The following ENTREP1 variants were observed in gnomAD, a reference collection of about 807,000 sequenced individuals.
The protein encoded by ENTREP1 is Friedreich ataxia region gene X123.
the ENTREP1 span, among the ~76,000 whole-genome samples, chr9:69,353,701 T>C: frequency 6.6e-6 from 1 of 152,206 alleles, no homozygotes; most frequent in African/African-American, 2.4e-5. Flanking sequence ...CACATTTCTG[T>C]ATGTATAATG....
chr9:69,391,255 T>A, the ENTREP1 span, among the ~76,000 whole-genome samples: 378 of 152,236 alleles, frequency 2.5e-3, 1 homozygote, highest in Admixed American at 5.2e-3. Context: ...ACAATACCCG[T>A]CCCTCCCTGA....
the ENTREP1 span, chr9:69,387,167 G>A: frequency 2.0e-3 from 307 of 152,294 alleles, no homozygotes; most frequent in African/African-American, 6.9e-3. Context: ...TGTCTTTGGC[G>A]AGTGCTTCTG....
the ENTREP1 span, among the ~76,000 whole-genome samples, chr9:69,331,004 G>A: frequency 0.021 from 3,195 of 150,932 alleles, 43 homozygotes; most frequent in South Asian, 0.051. Flanking sequence ...TTACCATCAT[G>A]TTTTCATTAG....
chr9:69,349,624 C>G, the ENTREP1 span, among the ~76,000 whole-genome samples: 2 of 152,184 alleles, frequency 1.3e-5, no homozygotes, highest in South Asian at 4.1e-4. Flanking sequence ...TATTATGAGT[C>G]CCTTATCAGA....
chr9:69,351,776 C>A, the ENTREP1 span, among the ~76,000 whole-genome samples: 1 of 152,188 alleles, frequency 6.6e-6, no homozygotes, highest in Admixed American at 6.5e-5. Flanking sequence ...ATCTACAAAT[C>A]AGATGTTGAA....
At chr9:69,367,872 A>C in the ENTREP1 span, among the ~76,000 whole-genome samples, 13,922 of 77,324 alleles carry the variant, frequency 0.18, 3,496 homozygotes, top group South Asian at 0.25. Flanking sequence ...CATATATATA[A>C]ATATATATAT....
At chr9:69,371,951 AAC>A in the ENTREP1 span, among the ~76,000 whole-genome samples, 3 of 152,232 alleles carry the variant, frequency 2.0e-5, no homozygotes, top group African/African-American at 7.2e-5. Flanking sequence ...AATACAGGTC[AAC>A]AGTCTTTTAT....
chr9:69,354,374 A>G, the ENTREP1 span, among the ~76,000 whole-genome samples: 2 of 146,964 alleles, frequency 1.4e-5, no homozygotes, highest in African/African-American at 5.1e-5. Context: ...CTCCTGCCCC[A>G]GTCTGCCTGA....
chr9:69,387,830 T>A, the ENTREP1 span: 1 of 1,183,684 alleles, frequency 8.4e-7, no homozygotes, highest in African/African-American at 1.6e-5. Context: ...GGCCCATCCA[T>A]CCCCATCTAT....
chr9:69,383,455 C>G, the ENTREP1 span: 1 of 1,477,904 alleles, frequency 6.8e-7, no homozygotes, highest in South Asian at 1.4e-5. Flanking sequence ...GGAACTCTGG[C>G]CACTTCGTCG....
chr9:69,367,016 A>C, the ENTREP1 span, among the ~76,000 whole-genome samples: 446 of 152,124 alleles, frequency 2.9e-3, 4 homozygotes, highest in African/African-American at 0.011. Context: ...TCCCAGGCTC[A>C]AGCAATACTC....
At chr9:69,386,054 G>A in the ENTREP1 span, 1 of 1,025,272 alleles carries the variant, frequency 9.8e-7, no homozygotes, top group Non-Finnish European at 1.3e-6. Context: ...AGTTTAAGTG[G>A]TCATTTGAAG....
At chr9:69,348,833 A>G in the ENTREP1 span, among the ~76,000 whole-genome samples, 1 of 152,308 alleles carries the variant, frequency 6.6e-6, no homozygotes, top group South Asian at 2.1e-4. Context: ...TTATATGGAT[A>G]TATCACATTT....
chr9:69,367,774 T>A, the ENTREP1 span, among the ~76,000 whole-genome samples: 131 of 89,804 alleles, frequency 1.5e-3, no homozygotes, highest in African/African-American at 5.5e-3. Flanking sequence ...CACATATATA[T>A]AAATATATAT....
the ENTREP1 span, among the ~76,000 whole-genome samples, chr9:69,349,217 A>G: frequency 1.3e-5 from 2 of 151,522 alleles, no homozygotes; most frequent in Non-Finnish European, 2.9e-5. Flanking sequence ...AAAAAGAGAA[A>G]AAAAGGAATA....
the ENTREP1 span, among the ~76,000 whole-genome samples, chr9:69,368,058 C>CTT: frequency 0.82 from 123,368 of 150,974 alleles, 50,434 homozygotes; most frequent in South Asian, 0.89. Context: ...TATCCTGAGA[C>CTT]TACTGAATTT....
At chr9:69,367,182 T>A in the ENTREP1 span, among the ~76,000 whole-genome samples, 2 of 149,082 alleles carry the variant, frequency 1.3e-5, no homozygotes, top group African/African-American at 5.0e-5. Flanking sequence ...TCCTCCCACC[T>A]GGGCATCCTA....
chr9:69,388,547 C>A, the ENTREP1 span: 2 of 938,698 alleles, frequency 2.1e-6, no homozygotes, highest in East Asian at 2.7e-5. Flanking sequence ...AGAGTAAGTT[C>A]ATGGTCACAG....
At chr9:69,390,576 C>G in the ENTREP1 span, among the ~76,000 whole-genome samples, 5 of 152,080 alleles carry the variant, frequency 3.3e-5, no homozygotes, top group African/African-American at 1.2e-4. Flanking sequence ...ATAAATTGGC[C>G]TAATTTTTAT....
Sources: gnomAD v4.1 joint callset for allele counts (sites outside exome capture counted in the v4.1 genomes callset) on GRCh38, gnomAD v4.1.1 for gene constraint, MANE v1.5 for transcripts, NCBI Gene and HGNC (gene_info 2026-07-23, HGNC 2026-07-21) for gene names.